Variants in OSBP2 observed in about 807,000 individuals in gnomAD.
The protein encoded by OSBP2 is oxysterol-binding protein 2.
A neutral mutation model predicts 96.0 loss-of-function variants in OSBP2; 66 were observed. That is an observed-to-expected ratio of 0.69 (90% confidence interval 0.56 to 0.84). The LOEUF (loss-of-function observed/expected upper bound fraction) is 0.84, where lower values mean the gene tolerates loss of function less well. OSBP2 is among the 40% of genes least tolerant of loss of function. The pLI, the probability that OSBP2 is intolerant of heterozygous loss-of-function variation, is 0.00. For synonymous variants in OSBP2, 525 were observed against 520.9 expected, an observed-to-expected ratio of 1.01 and a Z score of -0.11; for missense variants, 1,038 against 1,222.7, an observed-to-expected ratio of 0.85 and a Z score of 2.25.
intron 2 of OSBP2, among the ~76,000 whole-genome samples, chr22:30,744,717 C>T (rs1466137061): frequency 1.3e-5 from 2 of 152,084 alleles, no homozygotes; most frequent in Non-Finnish European, 2.9e-5. Context: ...GCCGAGATCA[C>T]GCCACTACAC....
intron 2 of OSBP2, among the ~76,000 whole-genome samples, chr22:30,756,831 G>A (rs530517092): frequency 2.0e-5 from 3 of 152,316 alleles, no homozygotes; most frequent in South Asian, 4.1e-4. Context: ...GTCTTTGGGT[G>A]ATGACCTGTC....
intron 2 of OSBP2, among the ~76,000 whole-genome samples, chr22:30,750,104 C>CT (rs1426871784): frequency 6.6e-6 from 1 of 152,238 alleles, no homozygotes; most frequent in Non-Finnish European, 1.5e-5. Context: ...TTGCATTTCT[C>CT]TAACTGTTCC....
chr22:30,890,784 C>A lies in OSBP2; in HGVS notation c.1680C>A (p.Tyr560Ter). 1 of 1,613,464 alleles carries A rather than the reference C, an allele frequency of 6.2e-7. No homozygotes were observed. Among genetic ancestry groups the A allele is most frequent in the Non-Finnish European group, 8.5e-7 (1 of 1,179,984 alleles). Reference sequence around the variant, plus strand: ...AGCGGCTGACAGAGGACCTGGAGTACCACCACCTGCTGGACAAGGCAGTGC... The same window carrying A: ...AGCGGCTGACAGAGGACCTGGAGTAACACCACCTGCTGGACAAGGCAGTGC... Reference protein sequence around the residue: ...MLQRLTEDLEYHHLLDKAVHC... With the variant: ...MLQRLTEDLE The change falls in exon 8 of 14, where the codon TAC becomes TAA. Residue 560 changes from tyrosine to a stop codon, truncating the protein, a stop_gained. Transcript: ENST00000332585. LOFTEE classifies it high-confidence loss of function. This position sits in a 1 kb window ranked among gnomAD's most constrained non-coding sequence, Gnocchi z 4.4.
chr22:30,808,880 G>A (rs1296229694), intron 2 of OSBP2, among the ~76,000 whole-genome samples: 4 of 152,176 alleles, frequency 2.6e-5, no homozygotes, highest in African/African-American at 4.8e-5. Context: ...CTTGAACCCG[G>A]AAGGTGGAGG....
intron 2 of OSBP2, among the ~76,000 whole-genome samples, chr22:30,830,284 T>TAATG (rs1268802896): frequency 6.6e-6 from 1 of 152,160 alleles, no homozygotes; most frequent in Non-Finnish European, 1.5e-5. Flanking sequence ...GTGTGTTGAG[T>TAATG]AATGATTCCT....
intron 2 of OSBP2, chr22:30,773,103 ATTT>A (rs695837): frequency 3.2e-5 from 4 of 123,342 alleles, no homozygotes; most frequent in Non-Finnish European, 5.0e-5. Context: ...GTTAAACACG[ATTT>A]TTTTTTTTTT....
intron 2 of OSBP2, among the ~76,000 whole-genome samples, chr22:30,741,645 C>T (rs1445456470): frequency 1.3e-5 from 2 of 152,100 alleles, no homozygotes; most frequent in Non-Finnish European, 2.9e-5. Context: ...GCAGACCCTT[C>T]AGATGCTGCA....
At chr22:30,831,660 C>T (rs774106377) in intron 2 of OSBP2, among the ~76,000 whole-genome samples, 10 of 152,128 alleles carry the variant, frequency 6.6e-5, no homozygotes, top group Non-Finnish European at 1.5e-5. Flanking sequence ...TAGGGCCCTT[C>T]TGAATTGGGG....
chr22:30,823,494 T>C (rs1046054477), intron 2 of OSBP2, among the ~76,000 whole-genome samples: 5 of 152,378 alleles, frequency 3.3e-5, no homozygotes, highest in African/African-American at 9.6e-5. Flanking sequence ...TAATTTCACC[T>C]AACACGAATT....
At chr22:30,897,864 C>T (rs12166294) in intron 12 of OSBP2, among the ~76,000 whole-genome samples, 48,713 of 150,952 alleles carry the variant, frequency 0.32, 8,336 homozygotes, top group East Asian at 0.55. Flanking sequence ...GTAAGAGAAT[C>T]GCTTGAACCT....
intron 2 of OSBP2, among the ~76,000 whole-genome samples, chr22:30,852,388 G>A (rs1281759761): frequency 1.3e-5 from 2 of 152,040 alleles, no homozygotes; most frequent in Non-Finnish European, 2.9e-5. Context: ...GTTCTTTCAA[G>A]GAAGTTTCCT....
intron 1 of OSBP2, among the ~76,000 whole-genome samples, chr22:30,725,197 C>CAAAAAAACA (rs2089625581): frequency 7.2e-6 from 1 of 138,766 alleles, no homozygotes; most frequent in Non-Finnish European, 1.5e-5. Flanking sequence ...AACAAAAAAA[C>CAAAAAAACA]AAAAAAAAAA....
At chr22:30,888,136 GT>G (rs2039858015) in intron 4 of OSBP2, 86 bp from the exon 5 acceptor site, 9 of 880,474 alleles carry the variant, frequency 1.0e-5, no homozygotes, top group Non-Finnish European at 1.7e-5. Context: ...CCAGATGGGG[GT>G]TGGGGGAGCC....
intron 3 of OSBP2, among the ~76,000 whole-genome samples, chr22:30,878,610 G>T (rs1170384105): frequency 1.3e-5 from 2 of 152,210 alleles, no homozygotes; most frequent in Non-Finnish European, 2.9e-5. Context: ...GCTAGCTCGA[G>T]GTGCCCAGTG....
In OSBP2 at chr22:30,880,110, G is replaced by C. The variant is rs185038830; in HGVS notation, c.1108-7316G>C. 2.6e-5 allele frequency among the ~76,000 whole-genome samples: 4 copies of C among 152,168 alleles called. No homozygotes were observed. The South Asian group carries it at 8.3e-4, about 32-fold the overall frequency. ...TCAATGGCAGGGGAGGCAAGATCCT[G>C]TTACTCCAGTGAGTCCCCTGGCCAT... On this transcript the variant is annotated intron_variant, in intron 3 of 13. Transcript: ENST00000332585.
intron 2 of OSBP2, among the ~76,000 whole-genome samples, chr22:30,837,694 A>T (rs1249266850): frequency 6.6e-6 from 1 of 152,064 alleles, no homozygotes; most frequent in African/African-American, 2.4e-5. Flanking sequence ...TGCGATTGTG[A>T]TGTGGTTCTA....
intron 3 of OSBP2, among the ~76,000 whole-genome samples, chr22:30,872,806 G>A (rs1050437964): frequency 6.6e-5 from 10 of 152,174 alleles, no homozygotes; most frequent in African/African-American, 1.7e-4. Flanking sequence ...GCCACTCCTC[G>A]CCTGGCAGGA....
chr22:30,778,453 G>A (rs2090468421), intron 2 of OSBP2, among the ~76,000 whole-genome samples: 1 of 152,050 alleles, frequency 6.6e-6, no homozygotes, highest in Non-Finnish European at 1.5e-5. Flanking sequence ...GCTCTGTGGA[G>A]AGCCTGGCCC....
At chr22:30,757,670 G>A (rs1309469794) in intron 2 of OSBP2, among the ~76,000 whole-genome samples, 3 of 151,900 alleles carry the variant, frequency 2.0e-5, no homozygotes, top group East Asian at 3.9e-4. Flanking sequence ...TGCCCGCCTC[G>A]GCCTCCCAAA....
Sources: allele counts gnomAD v4.1 joint callset (sites outside exome capture counted in the v4.1 genomes callset), GRCh38; gene constraint gnomAD v4.1.1; non-coding constraint Gnocchi (gnomAD v3.1); transcripts MANE v1.5; gene names NCBI Gene and HGNC (gene_info 2026-07-23, HGNC 2026-07-21).